Variants in CADM2 observed in about 807,000 individuals in gnomAD.
The protein encoded by CADM2 is immunoglobulin superfamily member 4D.
In CADM2, 12 loss-of-function variants were observed where a neutral mutation model predicts 49.8. The observed-to-expected ratio is 0.24, with a 90% confidence interval of 0.15 to 0.39. The LOEUF (loss-of-function observed/expected upper bound fraction) is 0.39, where lower values mean the gene tolerates loss of function less well. Among genes scored for constraint, CADM2 ranks in the 10% least tolerant of loss-of-function variants. The probability of loss-of-function intolerance (pLI) is 1.00; values close to 1 mark genes in which losing one functional copy is unlikely to be tolerated. For synonymous variants in CADM2, 214 were observed against 175.4 expected, an observed-to-expected ratio of 1.22 and a Z score of -1.74; for missense variants, 378 against 492.3, an observed-to-expected ratio of 0.77 and a Z score of 2.20.
intron 1 of CADM2, among the ~76,000 whole-genome samples, chr3:85,537,083 C>T (rs916355182): frequency 4.6e-5 from 7 of 151,996 alleles, no homozygotes; most frequent in Admixed American, 3.9e-4. Context: ...TAACTTTCTA[C>T]AGTTCTGAGA....
At chr3:85,418,054 A>G (rs1180987754) in intron 1 of CADM2, among the ~76,000 whole-genome samples, 4 of 152,142 alleles carry the variant, frequency 2.6e-5, no homozygotes, top group Admixed American at 2.6e-4. Context: ...TATTATAAAC[A>G]TTATTTGTTT....
intron 1 of CADM2, among the ~76,000 whole-genome samples, chr3:85,073,344 A>C: frequency 6.6e-6 from 1 of 152,318 alleles, no homozygotes; most frequent in East Asian, 1.9e-4. Flanking sequence ...AATAATTGGA[A>C]GACAATAAAG....
At chr3:85,755,107 C>T (rs903639645) in intron 2 of CADM2, among the ~76,000 whole-genome samples, 2 of 152,166 alleles carry the variant, frequency 1.3e-5, no homozygotes, top group Admixed American at 6.5e-5. Flanking sequence ...AGAGTTAGTG[C>T]AGTCCCACAA....
In CADM2 at chr3:85,590,121, A is replaced by G. The variant is rs77341899; in HGVS notation, c.62-136401A>G. ...TGCTGGTCATGGATAGTTCACATGT[A>G]GAGAAGTTTTTATCTGTACAGTTCA... On this transcript the variant is annotated intron_variant, in intron 1 of 9. Transcript: ENST00000383699. 4.1e-4 allele frequency among the ~76,000 whole-genome samples: 63 copies of G among 152,140 alleles called. No individual in the cohort carries two copies. In the East Asian group the frequency reaches 8.9e-3, roughly 22 times the overall value.
intron 2 of CADM2, among the ~76,000 whole-genome samples, chr3:85,742,380 A>T (rs978093125): frequency 2.0e-5 from 3 of 152,156 alleles, no homozygotes; most frequent in African/African-American, 7.2e-5. Flanking sequence ...CTATAAAGAC[A>T]TATTCTAAAT....
chr3:85,931,705 A>G (rs1720623249), intron 6 of CADM2, among the ~76,000 whole-genome samples: 1 of 152,076 alleles, frequency 6.6e-6, no homozygotes, highest in Non-Finnish European at 1.5e-5. Flanking sequence ...TCTCTCCAAA[A>G]TGGAGCATTT....
chr3:85,650,305 G>T (rs1295586904), intron 1 of CADM2, among the ~76,000 whole-genome samples: 3 of 152,108 alleles, frequency 2.0e-5, no homozygotes, highest in Non-Finnish European at 4.4e-5. Context: ...GTAGATAAAA[G>T]ATCTCTTTTT....
intron 1 of CADM2, among the ~76,000 whole-genome samples, chr3:85,484,388 A>G (rs929802657): frequency 6.6e-6 from 1 of 151,914 alleles, no homozygotes; most frequent in Non-Finnish European, 1.5e-5. Context: ...GGATTATGTA[A>G]ACCTTTAACA....
chr3:86,006,637 G>A (rs1444869343), intron 8 of CADM2, among the ~76,000 whole-genome samples: 1 of 152,144 alleles, frequency 6.6e-6, no homozygotes, highest in African/African-American at 2.4e-5. Flanking sequence ...AGATACCCTT[G>A]CCTGGGAACT....
At chr3:85,550,485 T>C (rs896150505) in intron 1 of CADM2, among the ~76,000 whole-genome samples, 1 of 152,236 alleles carries the variant, frequency 6.6e-6, no homozygotes, top group African/African-American at 2.4e-5. Context: ...AATTTGTGAC[T>C]GGGACCCCTG....
chr3:85,908,202 GA>G (rs146080460), intron 5 of CADM2, among the ~76,000 whole-genome samples: 6,437 of 143,480 alleles, frequency 0.045, 486 homozygotes, highest in African/African-American at 0.15. Context: ...GATATTTTGT[GA>G]AAAAAAATTG....
chr3:85,922,138 GCTT>G (rs1352778503), intron 6 of CADM2, among the ~76,000 whole-genome samples: 8 of 150,062 alleles, frequency 5.3e-5, no homozygotes, highest in African/African-American at 1.5e-4. Context: ...TCCTTCTTTT[GCTT>G]CTTTTCTTTC....
At chr3:85,130,818 C>T (rs781117744) in intron 1 of CADM2, among the ~76,000 whole-genome samples, 34 of 152,200 alleles carry the variant, frequency 2.2e-4, no homozygotes, top group African/African-American at 7.5e-4. Flanking sequence ...AACTCTTATA[C>T]GTAGCGTTAT....
At chr3:85,236,830 G>T (rs1576183948) in intron 1 of CADM2, among the ~76,000 whole-genome samples, 1 of 151,992 alleles carries the variant, frequency 6.6e-6, no homozygotes, top group East Asian at 1.9e-4. Flanking sequence ...AGAGAGAAAT[G>T]CTTAGCAGGA....
chr3:85,333,624 G>T (rs149237459), intron 1 of CADM2, among the ~76,000 whole-genome samples: 1 of 151,682 alleles, frequency 6.6e-6, no homozygotes, highest in Admixed American at 6.6e-5. Flanking sequence ...TTAAAGAAAC[G>T]TGTTTTTCTG....
chr3:84,961,307 A>T (rs566146582), intron 1 of CADM2, among the ~76,000 whole-genome samples: 1 of 152,328 alleles, frequency 6.6e-6, no homozygotes, highest in African/African-American at 2.4e-5. Flanking sequence ...GGCGGTGGGC[A>T]GAATTTTCCT....
At chr3:85,597,882 C>A (rs1054110436) in intron 1 of CADM2, among the ~76,000 whole-genome samples, 20 of 151,860 alleles carry the variant, frequency 1.3e-4, no homozygotes, top group Non-Finnish European at 4.4e-5. Flanking sequence ...TGGTTAAAAC[C>A]ATCTTTTAGT....
intron 8 of CADM2, chr3:86,013,448 A>T: frequency 6.3e-7 from 1 of 1,584,818 alleles, no homozygotes. Context: ...ACTTTCAAGC[A>T]CTGCTGGAGT....
At chr3:85,893,315 C>G (rs1428033114) in intron 5 of CADM2, among the ~76,000 whole-genome samples, 3 of 151,960 alleles carry the variant, frequency 2.0e-5, no homozygotes, top group Admixed American at 6.6e-5. Flanking sequence ...GAAACTGGAT[C>G]CCTTCCCTAC....
Sources: allele counts gnomAD v4.1 joint callset (sites outside exome capture counted in the v4.1 genomes callset), GRCh38; gene constraint gnomAD v4.1.1; transcripts MANE v1.5; gene names NCBI Gene and HGNC (gene_info 2026-07-23, HGNC 2026-07-21).